LGALS12: variants seen among roughly 807,000 people sequenced by gnomAD.
LGALS12 encodes the protein galectin-12.
A neutral mutation model predicts 36.8 loss-of-function variants in LGALS12; 36 were observed. The observed-to-expected ratio is 0.98, with a 90% confidence interval of 0.75 to 1.29. LGALS12 has a LOEUF of 1.29. LGALS12 is among the 50% of genes most tolerant of loss of function. The pLI is 0.00. For synonymous variants in LGALS12, 145 were observed against 155.9 expected (o/e 0.93, Z 0.52); for missense variants, 366 against 394.3 (o/e 0.93, Z 0.61).
chr11:63,514,889 C>G (rs1411633519), intron 7 of LGALS12, among the ~76,000 whole-genome samples: 3 of 150,330 alleles, frequency 2.0e-5, no homozygotes, highest in Non-Finnish European at 3.0e-5. Flanking sequence ...TTTTTTGGCT[C>G]TATGAGGTAG....
intron 5 of LGALS12, 28 bp from the exon 6 acceptor site, chr11:63,511,051 T>C: frequency 1.1e-5 from 18 of 1,612,164 alleles, no homozygotes; most frequent in Non-Finnish European, 1.4e-5. Flanking sequence ...CCACATGGCC[T>C]TGTGTCCTCT....
chr11:63,514,305 C>T (rs2017013676), intron 7 of LGALS12, among the ~76,000 whole-genome samples: 1 of 152,232 alleles, frequency 6.6e-6, no homozygotes, highest in Non-Finnish European at 1.5e-5. Flanking sequence ...GGCGCGGTGG[C>T]TCAAGCCTGT....
chr11:63,511,705 C>T (rs1590648947), intron 6 of LGALS12, 47 bp from the exon 7 acceptor site: 3 of 1,427,130 alleles, frequency 2.1e-6, no homozygotes, highest in South Asian at 1.1e-5. Flanking sequence ...CGGTCCTCCC[C>T]AGTCCCCCTG....
intron 7 of LGALS12, among the ~76,000 whole-genome samples, chr11:63,512,130 C>T (rs1565227496): frequency 6.6e-6 from 1 of 152,174 alleles, no homozygotes; most frequent in Non-Finnish European, 1.5e-5. Flanking sequence ...AGGAAAGGCC[C>T]TTCGTAGGTG....
chr11:63,514,344 G>A (rs2017015348), intron 7 of LGALS12, among the ~76,000 whole-genome samples: 1 of 152,134 alleles, frequency 6.6e-6, no homozygotes, highest in Non-Finnish European at 1.5e-5. Flanking sequence ...GGCCAAGGTG[G>A]GCAGATCACA....
At chr11:63,508,488 C>T in intron 1 of LGALS12, 65 bp from the exon 2 acceptor site, 1 of 1,597,308 alleles carries the variant, frequency 6.3e-7, no homozygotes, top group Non-Finnish European at 8.5e-7. Context: ...CTCCCACTCG[C>T]CTGACATAGA....
chr11:63,511,522 G>A (rs2016920206), intron 6 of LGALS12, among the ~76,000 whole-genome samples: 1 of 152,208 alleles, frequency 6.6e-6, no homozygotes, highest in East Asian at 1.9e-4. Context: ...AAGGGAGAAG[G>A]ACATGGTGGT....
chr11:63,511,178 G>A (rs2016908320), intron 6 of LGALS12, 73 bp downstream of exon 6: 1 of 1,356,196 alleles, frequency 7.4e-7, no homozygotes, highest in African/African-American at 1.4e-5. Context: ...AGCTCAGCCT[G>A]GTAGGACATG....
chr11:63,506,130 G>T lies in LGALS12; in HGVS notation c.-329G>T. Reference sequence around the variant, plus strand: ...AGGAGCCAGCCTCTGGCTTCTCTCTGCAATGGCCATGTGCTGCAGACCCGG... The same window carrying T: ...AGGAGCCAGCCTCTGGCTTCTCTCTTCAATGGCCATGTGCTGCAGACCCGG... On this transcript the variant is annotated 5_prime_UTR_variant, in exon 1 of 9. Coordinates refer to ENST00000394618, the MANE Select transcript of LGALS12 (RefSeq NM_033101.4). The T allele has an allele frequency of 2.3e-6, 1 of 439,718 alleles. No individual in the cohort carries two copies. The highest frequency in any genetic ancestry group is 3.7e-5 in the Admixed American group (1 of 26,924). 27.2% of individuals were successfully genotyped at this position (439,718 alleles called of 1,614,324 possible). A position where few individuals can be genotyped will look rare whatever the true frequency, so the allele number is the denominator to read the frequency against.
At chr11:63,516,023 G>A (rs960220961) in intron 8 of LGALS12, among the ~76,000 whole-genome samples, 6 of 152,216 alleles carry the variant, frequency 3.9e-5, no homozygotes, top group African/African-American at 9.6e-5. Context: ...AGTTACAGGT[G>A]GTGAAACTGA....
At chr11:63,508,021 G>A (rs1288101242) in intron 1 of LGALS12, 1 of 992,804 alleles carries the variant, frequency 1.0e-6, no homozygotes, top group Non-Finnish European at 1.2e-6. Context: ...TTACAGGCAT[G>A]AGCCACAGAG....
intron 5 of LGALS12, 38 bp from the exon 6 acceptor site, chr11:63,511,041 C>T (rs377215424): frequency 2.0e-5 from 32 of 1,608,852 alleles, no homozygotes; most frequent in Non-Finnish European, 2.4e-5. Flanking sequence ...TGAGCAAATA[C>T]CACATGGCCT....
intron 7 of LGALS12, among the ~76,000 whole-genome samples, chr11:63,512,709 T>A (rs6591809): frequency 0.34 from 50,631 of 149,968 alleles, 12,039 homozygotes; most frequent in African/African-American, 0.68. Context: ...GAATCGCTTA[T>A]ACCCGGGAGG....
chr11:63,512,475 CCT>C (rs2016955043), intron 7 of LGALS12, among the ~76,000 whole-genome samples: 1 of 152,150 alleles, frequency 6.6e-6, no homozygotes, highest in Non-Finnish European at 1.5e-5. Context: ...CCTCTCTGTG[CCT>C]CTGTTTTCCT....
chr11:63,514,378 T>C (rs1017376524), intron 7 of LGALS12, among the ~76,000 whole-genome samples: 7 of 152,154 alleles, frequency 4.6e-5, no homozygotes, highest in Non-Finnish European at 5.9e-5. Flanking sequence ...GAGACCACCC[T>C]GGCCAACATA....
intron 1 of LGALS12, among the ~76,000 whole-genome samples, chr11:63,506,975 T>C (rs1242195905): frequency 6.6e-6 from 1 of 152,222 alleles, no homozygotes; most frequent in Non-Finnish European, 1.5e-5. Context: ...AGAGGTTTTC[T>C]GAAGCCAGGC....
At chr11:63,512,387 T>A (rs1358054255) in intron 7 of LGALS12, among the ~76,000 whole-genome samples, 1 of 152,226 alleles carries the variant, frequency 6.6e-6, no homozygotes, top group African/African-American at 2.4e-5. Flanking sequence ...TTAGAGTTTA[T>A]GACTTCTCTG....
intron 7 of LGALS12, 66 bp from the exon 8 acceptor site, chr11:63,515,497 G>A: frequency 6.3e-7 from 1 of 1,578,158 alleles, no homozygotes; most frequent in Non-Finnish European, 8.6e-7. Flanking sequence ...TCCTTCCCCT[G>A]GGGGCTGAGC....
rs141216616 is a variant in LGALS12, at chr11:63,516,265, G to A, written c.817G>A (p.Glu273Lys). The A allele has an allele frequency of 1.1e-5, 17 of 1,590,260 alleles. No individual in the cohort carries two copies. The highest frequency in any genetic ancestry group is 1.4e-5 in the Non-Finnish European group (16 of 1,169,136). Residue 273 changes from glutamate (E) to lysine (K), a missense_variant, in exon 9 of 9, where the codon GAG (glutamate) becomes AAG (lysine). Coordinates refer to ENST00000394618, the MANE Select transcript of LGALS12 (RefSeq NM_033101.4). ...TTCCCAGGTGCTGCTCCTGTTCCAG[G>A]AGGGAGGGCTGAAGCTGGCGCTCAA... Reference protein sequence around the residue: ...RFFEVLLLFQEGGLKLALNGQ... With the variant: ...RFFEVLLLFQKGGLKLALNGQ...
Sources: allele counts gnomAD v4.1 joint callset (sites outside exome capture counted in the v4.1 genomes callset), GRCh38; gene constraint gnomAD v4.1.1; transcripts MANE v1.5; gene names NCBI Gene and HGNC (gene_info 2026-07-23, HGNC 2026-07-21).